The following AFF4 variants were observed in gnomAD, a reference collection of about 807,000 sequenced individuals.
AFF4 encodes ALF transcription elongation factor 4, also known as AF4/FMR2 family member 4.
AFF4 carries 13 observed loss-of-function variants against 124.8 expected under a neutral mutation model. The observed-to-expected ratio is 0.10, with a 90% CI of 0.07 to 0.17. The LOEUF (loss-of-function observed/expected upper bound fraction) is 0.17, where lower values mean the gene tolerates loss of function less well. AFF4 is among the 10% of genes least tolerant of loss of function. The pLI is 1.00. For missense variants in AFF4, 1,092 were observed against 1,403.8 expected (o/e 0.78, Z 3.55); for synonymous variants, 477 against 496.1 (o/e 0.96, Z 0.51).
intron 5 of AFF4, among the ~76,000 whole-genome samples, chr5:132,916,426 T>A (rs1760914070): frequency 6.6e-6 from 1 of 151,844 alleles, no homozygotes; most frequent in African/African-American, 2.4e-5. Flanking sequence ...AATCAAGAGT[T>A]GCTTAAGCAC....
chr5:132,894,341 G>A (rs945682681), intron 11 of AFF4, among the ~76,000 whole-genome samples: 1 of 152,078 alleles, frequency 6.6e-6, no homozygotes, highest in Non-Finnish European at 1.5e-5. Context: ...CATTTTTTAT[G>A]GTCCATACTT....
At chr5:132,957,350 A>T (rs866336123) in intron 1 of AFF4, among the ~76,000 whole-genome samples, 65 of 151,790 alleles carry the variant, frequency 4.3e-4, no homozygotes, top group South Asian at 1.2e-3. Context: ...AAAAAATAAT[A>T]ATTATTATTA....
rs888407450 is a variant in AFF4 at position 132,877,511 on chromosome 5, T to C, written c.*3548A>G. On this transcript the variant is annotated 3_prime_UTR_variant, in exon 21 of 21. Coordinates refer to ENST00000265343, the MANE Select transcript of AFF4 (RefSeq NM_014423.4). ...ACACATATTTGACAAACTAATTTCA[T>C]GTTTTCATACATACATACATATATA... 1.4e-5 allele frequency: 3 copies of C among 210,750 alleles called. No individual in the cohort carries two copies. The highest frequency in any genetic ancestry group is 2.9e-5 in the Non-Finnish European group (3 of 103,678). 13.1% of individuals were successfully genotyped at this position (210,750 alleles called of 1,614,324 possible). A position where few individuals can be genotyped will look rare whatever the true frequency, so the allele number is the denominator to read the frequency against.
chr5:132,886,501 G>T, intron 17 of AFF4, 98 bp from the exon 18 acceptor site: 1 of 1,071,812 alleles, frequency 9.3e-7, no homozygotes, highest in Non-Finnish European at 1.4e-6. Context: ...TGGCTCATGT[G>T]ACCATGGCAT....
At chr5:132,899,437 A>C (rs1254930154) in intron 8 of AFF4, 150 bp downstream of exon 8, 2 of 823,274 alleles carry the variant, frequency 2.4e-6, no homozygotes, top group Non-Finnish European at 1.8e-6. Context: ...TGGAGATTTA[A>C]AAACAGAGAA....
chr5:132,951,662 A>G (rs57534150), intron 1 of AFF4, among the ~76,000 whole-genome samples: 74,888 of 152,002 alleles, frequency 0.49, 22,072 homozygotes, highest in African/African-American at 0.84. Flanking sequence ...CAAGTAGCTG[A>G]GACTACAGGC....
chr5:132,926,617 G>A (rs1050237599), intron 5 of AFF4: 1 of 148,594 alleles, frequency 6.7e-6, no homozygotes, highest in Non-Finnish European at 1.5e-5. Context: ...GCTCACTGCA[G>A]CCTTGACCTC....
At chr5:132,933,537 C>T (rs983587783) in intron 3 of AFF4, among the ~76,000 whole-genome samples, 5 of 151,846 alleles carry the variant, frequency 3.3e-5, no homozygotes, top group African/African-American at 1.2e-4. Context: ...ATGAGACACC[C>T]ATCTTGAAAA....
Position 132,934,540 on chromosome 5 carries a change from T to C in AFF4, c.525A>G (p.Lys175=). ...GTTTTCCAGGGCTGGAAGAACGTGA[T>C]TTGGAGTGTTCTGATCCATGCTGGC... The part of the protein sequence containing the change: ...KKGQHGSEHS[K]SRSSSPGKPQ... The change falls in exon 3 of 21, where the codon AAA becomes AAG. Residue 175 remains lysine (K), a synonymous_variant. Transcript: ENST00000265343. 6.2e-7 allele frequency: 1 copy of C among 1,614,088 alleles called. No individual in the cohort carries two copies. Among genetic ancestry groups the C allele is most frequent in the Non-Finnish European group, 8.5e-7 (1 of 1,180,004 alleles).
chr5:132,911,072 A>G (rs570837468), intron 5 of AFF4, among the ~76,000 whole-genome samples: 2 of 151,722 alleles, frequency 1.3e-5, no homozygotes, highest in East Asian at 3.9e-4. Context: ...AATCTCAATC[A>G]CTCTTGTGAA....
At chr5:132,949,649 A>G (rs530029685) in intron 1 of AFF4, among the ~76,000 whole-genome samples, 15 of 151,662 alleles carry the variant, frequency 9.9e-5, no homozygotes, top group Middle Eastern at 3.4e-3. Context: ...GGAGATTGAG[A>G]CCATCCTGGC....
chr5:132,945,394 T>C (rs925099591), intron 1 of AFF4: 1 of 152,236 alleles, frequency 6.6e-6, no homozygotes, highest in African/African-American at 2.4e-5. Context: ...AGTCAAGTTA[T>C]AGACTGAACC....
In AFF4 at chr5:132,896,605, A is replaced by G; in HGVS notation, c.2025T>C (p.Pro675=). ...TPKYPESNRT[P]VKPSSVEEED... is the part of the protein sequence containing the mutation. Reference sequence around the variant, plus strand: ...CTTCCTCCACTGAGGAGGGTTTAACAGGAGTCCTATTGCTCTCGGGGTACT... The same window carrying G: ...CTTCCTCCACTGAGGAGGGTTTAACGGGAGTCCTATTGCTCTCGGGGTACT... The change falls in exon 11 of 21, where the codon CCT becomes CCC. Residue 675 remains proline, a synonymous_variant. Transcript: ENST00000265343. 6.2e-7 allele frequency: 1 copy of G among 1,614,000 alleles called. No homozygotes were observed. Among genetic ancestry groups the G allele is most frequent in the East Asian group, 2.2e-5 (1 of 44,890 alleles).
Position 132,883,390 on chromosome 5 carries a change from T to G in AFF4, c.3314A>C (p.Tyr1105Ser). ...AGCTTGGTCCCAAATTTCGGTGGCA[T>G]AGAGGAAGTTGGATGTGACCTGAAC... The part of the protein sequence containing the change: ...SYVQVTSNFL[Y>S]ATEIWDQAEQ... Residue 1105 changes from tyrosine to serine, a missense_variant, in exon 20 of 21, where the codon TAT becomes TCT. By Grantham distance (144) the Tyr-to-Ser change is moderately radical. This residue lies in a region of AFF4 where 173 missense variants were observed against 294.9 expected (regional missense o/e 0.59). Coordinates refer to ENST00000265343, the MANE Select transcript of AFF4 (RefSeq NM_014423.4). The G allele has an allele frequency of 6.2e-7, 1 of 1,614,060 alleles. No individual in the cohort carries two copies.
chr5:132,962,989 A>C (rs1189565646), intron 1 of AFF4, among the ~76,000 whole-genome samples: 1 of 152,212 alleles, frequency 6.6e-6, no homozygotes, highest in Admixed American at 6.5e-5. Flanking sequence ...GTCTGAGGAA[A>C]GAAAGAGGAA....
intron 1 of AFF4, chr5:132,944,965 T>C (rs1363350804): frequency 6.8e-6 from 1 of 146,120 alleles, no homozygotes; most frequent in African/African-American, 2.5e-5. Flanking sequence ...TTTTTTTTAA[T>C]TAAAAAAACA....
At position 132,937,007 on chromosome 5, in the gene AFF4, A is replaced by C. The variant is rs141473346; in HGVS notation, c.123+60T>G. On this transcript the variant is annotated intron_variant, in intron 2 of 20. Coordinates refer to ENST00000265343, the MANE Select transcript of AFF4 (RefSeq NM_014423.4). ...TAATATAAACATTCAAGTGTGAAAC[A>C]TTTTAAAAGCAAAAATGTCATGCTA... 3.0e-3 allele frequency: 4,599 copies of C among 1,551,970 alleles called. 5 individuals are homozygous for C. The highest frequency in any genetic ancestry group is 3.6e-3 in the Non-Finnish European group (4,127 of 1,144,120).
rs137987690 is a variant in AFF4 at position 132,902,164 on chromosome 5, C to T, written c.1133+278G>A. Among the ~76,000 whole-genome samples, 524 of 152,296 alleles carry T rather than the reference C, an allele frequency of 3.4e-3. 6 individuals carry two copies. Among genetic ancestry groups the T allele is most frequent in the African/African-American group, 0.012 (510 of 41,566 alleles). The stretch of plus-strand genomic sequence containing the variant: ...CCAGGTTCAAGTAATTCTCCTGCCT[C>T]AGCCTTCCAAGTAGCTGGGATTACA... On this transcript the variant is annotated intron_variant, in intron 7 of 20. Transcript: ENST00000265343.
intron 3 of AFF4, among the ~76,000 whole-genome samples, chr5:132,933,351 C>A (rs909118622): frequency 6.6e-6 from 1 of 150,836 alleles, no homozygotes; most frequent in East Asian, 2.0e-4. Flanking sequence ...GAGCCGAAAT[C>A]GTGCCGTTGC....
Sources: gnomAD v4.1 joint callset for allele counts (sites outside exome capture counted in the v4.1 genomes callset) on GRCh38, gnomAD v4.1.1 for gene constraint, gnomAD v4.1.1 regional missense constraint, MANE v1.5 for transcripts, NCBI Gene and HGNC (gene_info 2026-07-23, HGNC 2026-07-21) for gene names.